Variants in CNOT4 observed in about 807,000 individuals in gnomAD.
The protein encoded by CNOT4 is CCR4-NOT transcription complex subunit 4, also known as CCR4-associated factor 4.
CNOT4 carries 8 observed loss-of-function variants against 73.8 expected under a neutral mutation model. That is an observed-to-expected ratio of 0.11 (90% CI 0.06 to 0.20). The LOEUF (loss-of-function observed/expected upper bound fraction) is 0.20, where lower values mean the gene tolerates loss of function less well. CNOT4 is among the 10% of genes least tolerant of loss of function. CNOT4 has a pLI of 1.00. For synonymous variants in CNOT4, 293 were observed against 321.1 expected (o/e 0.91, Z 0.94); for missense variants, 564 against 883.4 (o/e 0.64, Z 4.58).
chr7:135,466,606 T>C (rs1801239990), intron 1 of CNOT4, among the ~76,000 whole-genome samples: 1 of 152,192 alleles, frequency 6.6e-6, no homozygotes, highest in Non-Finnish European at 1.5e-5. Flanking sequence ...TACAGTAGTG[T>C]ACAGTAATGT....
chr7:135,401,630 C>T (rs1426706305), intron 7 of CNOT4, among the ~76,000 whole-genome samples: 1 of 151,976 alleles, frequency 6.6e-6, no homozygotes, highest in Non-Finnish European at 1.5e-5. Context: ...GCAGAAGTTG[C>T]CTAGTGAGGG....
intron 7 of CNOT4, among the ~76,000 whole-genome samples, chr7:135,402,184 A>C (rs940259694): frequency 6.7e-6 from 1 of 148,820 alleles, no homozygotes; most frequent in Non-Finnish European, 1.5e-5. Context: ...ATCTTGGCTC[A>C]CTGCAACCTC....
At position 135,362,937 on chromosome 7, in the gene CNOT4, G is replaced by A. The variant is rs1794715210; in HGVS notation, c.2090C>T (p.Pro697Leu). ...TAGTAAATCTGTGGGGGTTTTGCTG[G>A]GGGGTCTGAAGGCTGTCTGAAAGCC... is the stretch of plus-strand genomic sequence containing the variant. ...PPGFQTAFRP[P>L]SKTPTDLLQS... Residue 697 changes from proline (P) to leucine (L), a missense_variant, in exon 12 of 12, where the codon CCC becomes CTC. Physicochemically the swap from Pro to Leu is moderately conservative, Grantham distance 98 (BLOSUM62 -3). Coordinates refer to ENST00000541284, the MANE Select transcript of CNOT4 (RefSeq NM_001190850.2). 6.2e-7 allele frequency: 1 copy of A among 1,613,716 alleles called. No individual in the cohort carries two copies. Among genetic ancestry groups the A allele is most frequent in the African/African-American group, 1.3e-5 (1 of 74,926 alleles).
rs778465540 is a variant in CNOT4 at position 135,394,016 on chromosome 7, T to C, written c.1529A>G (p.His510Arg). ...WMAFPRNSIM[H>R]LNHTANPTSN... The stretch of plus-strand genomic sequence containing the variant: ...GGTGGGGTTTGCTGTGTGGTTCAAG[T>C]GCATGATGCTATTGCGTGGAAAGGC... Residue 510 changes from histidine (H) to arginine (R), a missense_variant, in exon 10 of 12, where the codon CAC becomes CGC. Transcript: ENST00000541284. The C allele has an allele frequency of 1.9e-6, 3 of 1,614,186 alleles. No homozygotes were observed. The East Asian group carries it at 6.7e-5, about 36-fold the overall frequency.
chr7:135,414,844 C>T (rs928674878), intron 4 of CNOT4, among the ~76,000 whole-genome samples: 2 of 152,080 alleles, frequency 1.3e-5, no homozygotes, highest in African/African-American at 2.4e-5. Flanking sequence ...AACAAAGACA[C>T]TATTAAGTTT....
In CNOT4 at chr7:135,470,443, GTTTTA is replaced by G. The variant is rs1396703349; in HGVS notation, c.-92-32025_-92-32021del. Reference sequence around the variant, plus strand: ...ACCATGCTTGGCCTGTTCATAAGCAGTTTTATTCATAATAGCCAAAACAGAAAGAA... The same window carrying G: ...ACCATGCTTGGCCTGTTCATAAGCAGTTCATAATAGCCAAAACAGAAAGAA... On this transcript the variant is annotated intron_variant, in intron 1 of 11. Transcript: ENST00000541284. Among the ~76,000 whole-genome samples the G allele has an allele frequency of 5.6e-4, 85 of 152,048 alleles. 1 individual carries two copies. Among genetic ancestry groups the G allele is most frequent in the African/African-American group, 1.7e-3 (71 of 41,490 alleles).
intron 1 of CNOT4, among the ~76,000 whole-genome samples, chr7:135,463,534 T>TC (rs1438787600): frequency 2.0e-5 from 2 of 99,846 alleles, no homozygotes; most frequent in African/African-American, 8.0e-5. Flanking sequence ...TGAGACTTCA[T>TC]CCCCCCACCC....
At chr7:135,411,136 C>T (rs1797567957) in intron 6 of CNOT4, among the ~76,000 whole-genome samples, 1 of 152,008 alleles carries the variant, frequency 6.6e-6, no homozygotes, top group Non-Finnish European at 1.5e-5. Flanking sequence ...CTATATTCTT[C>T]ATTATCTTGA....
chr7:135,437,027 A>G (rs1799195464), intron 2 of CNOT4, among the ~76,000 whole-genome samples: 3 of 152,218 alleles, frequency 2.0e-5, no homozygotes, highest in African/African-American at 7.2e-5. Flanking sequence ...TTAATCCCTA[A>G]GGTCACAAAT....
chr7:135,472,475 T>C (rs1205813400), intron 1 of CNOT4, among the ~76,000 whole-genome samples: 1 of 29,910 alleles, frequency 3.3e-5, no homozygotes, highest in Non-Finnish European at 5.1e-5. Flanking sequence ...AGACACCGAC[T>C]CAAAAAAAAA....
At position 135,475,419 on chromosome 7, in the gene CNOT4, G is replaced by A. The variant is rs151068486; in HGVS notation, c.-93+34470C>T. Among the ~76,000 whole-genome samples the A allele has an allele frequency of 9.2e-3, 1,396 of 152,194 alleles. 12 individuals carry two copies. Among genetic ancestry groups the A allele is most frequent in the South Asian group, 0.035 (167 of 4,824 alleles). On this transcript the variant is annotated intron_variant, in intron 1 of 11. Coordinates refer to ENST00000541284, the MANE Select transcript of CNOT4 (RefSeq NM_001190850.2). ...AGAATTTTAGTGTGCAATATTTGACGTAGGAAAGCTCTCAGTGTGCAGTGA... is the reference window on the plus strand; with the variant it reads ...AGAATTTTAGTGTGCAATATTTGACATAGGAAAGCTCTCAGTGTGCAGTGA...
At position 135,372,813 on chromosome 7, in the gene CNOT4, C is replaced by CG. The variant is rs1284659106; in HGVS notation, c.1628-8748_1628-8747insC. ...CTCGTGATCCACCAGCCTCAGCCTC[C>CG]CAAAGTGCTGGGATTACAGGCGTGA... On this transcript the variant is annotated intron_variant, in intron 10 of 11. Transcript: ENST00000541284. 2.6e-5 allele frequency among the ~76,000 whole-genome samples: 4 copies of CG among 152,244 alleles called. No homozygotes were observed. The East Asian group carries it at 7.7e-4, about 29-fold the overall frequency.
intron 1 of CNOT4, among the ~76,000 whole-genome samples, chr7:135,492,524 G>A (rs759964828): frequency 7.2e-5 from 11 of 152,174 alleles, no homozygotes; most frequent in African/African-American, 2.4e-4. Context: ...TTTTAATGAC[G>A]GTGAGGAACT....
intron 1 of CNOT4, among the ~76,000 whole-genome samples, chr7:135,484,942 C>T (rs75896292): frequency 0.016 from 2,371 of 152,100 alleles, 28 homozygotes; most frequent in Non-Finnish European, 0.023. Context: ...AACGTAAAAT[C>T]AAAGATCTAA....
At chr7:135,373,347 A>G (rs948282918) in intron 10 of CNOT4, among the ~76,000 whole-genome samples, 2 of 152,208 alleles carry the variant, frequency 1.3e-5, no homozygotes, top group African/African-American at 4.8e-5. Context: ...ATGATCTTCT[A>G]ACCAAAAGGA....
chr7:135,414,338 G>T lies in CNOT4; in HGVS notation c.554C>A (p.Thr185Lys). ...CVNNVVVDGR[T>K]LKASLGTTKY... is the part of the protein sequence containing the mutation. ...TCAAGAGGACTATATTACCTTAAGT[G>T]TTCTGCCATCTACTACCACATTGTT... The change falls in exon 5 of 12, where the codon ACA becomes AAA. Residue 185 changes from threonine to lysine, a missense_variant. By Grantham distance (78) the Thr-to-Lys change is moderately conservative (BLOSUM62 -1). Around this residue, in one of 10 missense-constraint regions of CNOT4, gnomAD observed 25 missense variants for 25.1 expected, o/e 1.00. Transcript: ENST00000541284. 4.1e-6 allele frequency: 5 copies of T among 1,231,450 alleles called. No individual in the cohort carries two copies. Among genetic ancestry groups the T allele is most frequent in the Non-Finnish European group, 4.8e-6 (4 of 839,764 alleles). The allele number at this position is 1,231,450 out of a possible 1,614,324, so 76.3% of individuals were successfully genotyped here.
At chr7:135,432,310 T>C (rs2129485049) in intron 2 of CNOT4, among the ~76,000 whole-genome samples, 1 of 152,206 alleles carries the variant, frequency 6.6e-6, no homozygotes, top group African/African-American at 2.4e-5. Flanking sequence ...AAAAAATATA[T>C]CATGACCCCT....
At chr7:135,451,535 T>C (rs1233583991) in intron 1 of CNOT4, among the ~76,000 whole-genome samples, 4 of 152,236 alleles carry the variant, frequency 2.6e-5, no homozygotes, top group Middle Eastern at 3.4e-3. Flanking sequence ...TCAAGTGATC[T>C]GCCCGCCTCG....
chr7:135,390,163 A>AC (rs112291034), intron 10 of CNOT4, among the ~76,000 whole-genome samples: 17,419 of 152,068 alleles, frequency 0.11, 1,180 homozygotes, highest in African/African-American at 0.19. Context: ...GAGAGCAAAA[A>AC]CAATTGCCAC....
Sources: gnomAD v4.1 joint callset for allele counts (sites outside exome capture counted in the v4.1 genomes callset) on GRCh38, gnomAD v4.1.1 for gene constraint, gnomAD v4.1.1 regional missense constraint, MANE v1.5 for transcripts, NCBI Gene and HGNC (gene_info 2026-07-23, HGNC 2026-07-21) for gene names.